Variants in TNKS observed in about 807,000 individuals in gnomAD.
TNKS encodes the protein poly [ADP-ribose] polymerase tankyrase-1.
TNKS carries 72 observed loss-of-function variants against 135.8 expected under a neutral mutation model. That is an observed-to-expected ratio of 0.53 (90% confidence interval 0.44 to 0.64). The LOEUF is 0.64. TNKS is among the 30% of genes least tolerant of loss of function. The pLI, the probability that TNKS is intolerant of heterozygous loss-of-function variation, is 0.00. For missense variants in TNKS, 1,769 were observed against 1,674.0 expected (o/e 1.06, Z -0.99); for synonymous variants, 849 against 649.3 (o/e 1.31, Z -4.68).
At position 9,667,309 on chromosome 8, in the gene TNKS, C is replaced by T. The variant is rs560986106; in HGVS notation, c.995-12642C>T. 1.2e-4 allele frequency among the ~76,000 whole-genome samples: 18 copies of T among 152,318 alleles called. No individual in the cohort carries two copies. The South Asian group carries it at 3.7e-3, about 32-fold the overall frequency. ...GCTGTATATGTAGTAGCTGCAATCT[C>T]AGAACTCTCAGGATATATGAACAAA... On this transcript the variant is annotated intron_variant, in intron 3 of 26. Transcript: ENST00000310430.
chr8:9,561,819 C>T (rs780518616), intron 1 of TNKS, among the ~76,000 whole-genome samples: 36 of 152,188 alleles, frequency 2.4e-4, no homozygotes, highest in African/African-American at 3.4e-4. Context: ...TTCCCATCAA[C>T]GATTTTTGAT....
chr8:9,675,563 C>G (rs903217569), intron 3 of TNKS, among the ~76,000 whole-genome samples: 2 of 152,200 alleles, frequency 1.3e-5, no homozygotes, highest in African/African-American at 4.8e-5. Context: ...ATAGCCTTTG[C>G]TTGCAAGCTC....
intron 3 of TNKS, among the ~76,000 whole-genome samples, chr8:9,631,423 C>T (rs75877904): frequency 0.073 from 11,105 of 152,102 alleles, 441 homozygotes; most frequent in South Asian, 0.17. Flanking sequence ...ATAAAATGTA[C>T]TGATGAAAAA....
chr8:9,632,965 G>A (rs1336621478), intron 3 of TNKS, among the ~76,000 whole-genome samples: 5 of 152,106 alleles, frequency 3.3e-5, no homozygotes, highest in Non-Finnish European at 5.9e-5. Flanking sequence ...TCCTGACCTC[G>A]TGATCTGCCC....
At chr8:9,746,601 C>T (rs1317252405) in intron 17 of TNKS, among the ~76,000 whole-genome samples, 1 of 152,094 alleles carries the variant, frequency 6.6e-6, no homozygotes, top group Non-Finnish European at 1.5e-5. Context: ...TATTCCTTTC[C>T]TTAATGAGCT....
chr8:9,699,330 C>G (rs1241192097), intron 5 of TNKS, among the ~76,000 whole-genome samples: 2 of 152,072 alleles, frequency 1.3e-5, no homozygotes, highest in African/African-American at 2.4e-5. Flanking sequence ...AGGTTTAGTC[C>G]TAGGGTGTGT....
intron 1 of TNKS, among the ~76,000 whole-genome samples, chr8:9,566,693 C>T (rs1027204157): frequency 6.7e-6 from 1 of 149,432 alleles, no homozygotes; most frequent in Non-Finnish European, 1.5e-5. Context: ...ACTGCAAGCT[C>T]CGCCTCCCGG....
chr8:9,685,684 C>G (rs1219420915), intron 5 of TNKS, among the ~76,000 whole-genome samples: 1 of 152,098 alleles, frequency 6.6e-6, no homozygotes, highest in Non-Finnish European at 1.5e-5. Flanking sequence ...CTCTCTTCAC[C>G]CAGTGTCACA....
At chr8:9,699,190 G>A (rs1426385983) in intron 5 of TNKS, among the ~76,000 whole-genome samples, 1 of 152,152 alleles carries the variant, frequency 6.6e-6, no homozygotes. Flanking sequence ...TTTAGAAATG[G>A]GGCTGCCTTA....
intron 3 of TNKS, among the ~76,000 whole-genome samples, chr8:9,620,623 C>G (rs552924694): frequency 2.0e-4 from 30 of 152,308 alleles, no homozygotes; most frequent in African/African-American, 6.0e-4. Flanking sequence ...CTCTTGGTCT[C>G]TTTGCTTCAG....
intron 17 of TNKS, among the ~76,000 whole-genome samples, chr8:9,744,019 T>C (rs1258878406): frequency 6.6e-6 from 1 of 152,216 alleles, no homozygotes; most frequent in Non-Finnish European, 1.5e-5. Context: ...TTTACTTTTT[T>C]CCCCTAGAGA....
intron 2 of TNKS, among the ~76,000 whole-genome samples, chr8:9,583,212 GTTTC>G (rs1401495526): frequency 6.7e-6 from 1 of 149,666 alleles, no homozygotes; most frequent in Non-Finnish European, 1.5e-5. Context: ...GAACCCATGT[GTTTC>G]TTTCATAGAT....
chr8:9,590,740 C>T (rs1798561761), intron 2 of TNKS, among the ~76,000 whole-genome samples: 1 of 152,182 alleles, frequency 6.6e-6, no homozygotes, highest in Admixed American at 6.6e-5. Context: ...CTATTCCTAT[C>T]TTTGTCCGTT....
intron 26 of TNKS, among the ~76,000 whole-genome samples, chr8:9,772,066 G>GGGGAGAGA (rs1234734879): frequency 2.3e-5 from 3 of 130,810 alleles, no homozygotes; most frequent in Admixed American, 1.5e-4. Context: ...AGGGATGGAG[G>GGGGAGAGA]GGGAGAGAGG....
At chr8:9,607,229 C>A (rs567314587) in intron 2 of TNKS, among the ~76,000 whole-genome samples, 2 of 152,026 alleles carry the variant, frequency 1.3e-5, no homozygotes, top group South Asian at 4.1e-4. Flanking sequence ...AAAAATAATC[C>A]TAAGAGTGGA....
chr8:9,618,411 A>G (rs1240494411), intron 3 of TNKS, among the ~76,000 whole-genome samples: 1 of 152,206 alleles, frequency 6.6e-6, no homozygotes, highest in Non-Finnish European at 1.5e-5. Flanking sequence ...TATTTAAATG[A>G]GAAGACTTAC....
intron 26 of TNKS, 61 bp from the exon 27 acceptor site, chr8:9,776,589 G>A: frequency 2.0e-6 from 3 of 1,510,486 alleles, no homozygotes; most frequent in South Asian, 1.1e-5. Context: ...TCCACATTCG[G>A]CAAGGCTTTA....
intron 26 of TNKS, among the ~76,000 whole-genome samples, chr8:9,772,809 T>TTGTGTGTGTGTGTGTGTGTGTGTG (rs368113364): frequency 1.2e-5 from 1 of 86,588 alleles, no homozygotes; most frequent in African/African-American, 4.2e-5. Context: ...GTGTGTGTGT[T>TTGTGTGTGTGTGTGTGTGTGTGTG]TGTGTGTGTG....
At chr8:9,631,404 T>C (rs1800282420) in intron 3 of TNKS, among the ~76,000 whole-genome samples, 1 of 152,230 alleles carries the variant, frequency 6.6e-6, no homozygotes, top group South Asian at 2.1e-4. Flanking sequence ...CACATCATGC[T>C]TATAAGTCAT....
Sources: allele counts gnomAD v4.1 joint callset (sites outside exome capture counted in the v4.1 genomes callset), GRCh38; gene constraint gnomAD v4.1.1; transcripts MANE v1.5; gene names NCBI Gene and HGNC (gene_info 2026-07-23, HGNC 2026-07-21).